The following TMCO4 variants were observed in gnomAD, a reference collection of about 807,000 sequenced individuals.
TMCO4 encodes transmembrane and coiled-coil domains 4, also known as transmembrane and coiled-coil domain-containing protein 4.
In TMCO4, 58 loss-of-function variants were observed where a neutral mutation model predicts 64.7. That is an observed-to-expected ratio of 0.90 (90% CI 0.73 to 1.12). The LOEUF (loss-of-function observed/expected upper bound fraction) is 1.12. Among genes scored for constraint, TMCO4 ranks in the 50% most tolerant of loss-of-function variants. The probability of loss-of-function intolerance (pLI) is 0.00; values close to 1 mark genes in which losing one functional copy is unlikely to be tolerated. For missense variants in TMCO4, 780 were observed against 825.9 expected, an observed-to-expected ratio of 0.94 and a Z score of 0.68; for synonymous variants, 325 against 346.1, an observed-to-expected ratio of 0.94 and a Z score of 0.68.
At chr1:19,700,612 T>C (rs995879746) in intron 14 of TMCO4, among the ~76,000 whole-genome samples, 156 bp downstream of exon 14, 1 of 152,240 alleles carries the variant, frequency 6.6e-6, no homozygotes, top group Non-Finnish European at 1.5e-5. Context: ...TCACCAGGCC[T>C]GGGCCTGCTC....
In TMCO4 at chr1:19,766,136, G is replaced by A. The variant is rs182682423; in HGVS notation, c.382+4406C>T. On this transcript the variant is annotated intron_variant, in intron 6 of 15. Transcript: ENST00000294543. ...TAAGCTCATTCTCCAAAGAAGTGTC[G>A]CCCACCCATCTTTCTATTGCACCCT... 7.0e-4 allele frequency among the ~76,000 whole-genome samples: 107 copies of A among 152,222 alleles called. 3 individuals carry two copies. The East Asian group carries it at 0.016, about 22-fold the overall frequency.
At chr1:19,738,493 T>C (rs1367458328) in intron 12 of TMCO4, 1 of 152,266 alleles carries the variant, frequency 6.6e-6, no homozygotes, top group East Asian at 1.9e-4. Context: ...AAATAGTACA[T>C]TTGTTTTCAG....
chr1:19,781,256 T>G (rs1571017085), intron 3 of TMCO4, among the ~76,000 whole-genome samples: 2 of 147,932 alleles, frequency 1.4e-5, no homozygotes, highest in East Asian at 2.0e-4. Context: ...AGCCCAGGAG[T>G]TCAAGACCAG....
chr1:19,723,401 G>T (rs1317681045), intron 13 of TMCO4, among the ~76,000 whole-genome samples: 1 of 152,142 alleles, frequency 6.6e-6, no homozygotes, highest in Non-Finnish European at 1.5e-5. Context: ...TAGGCCCCCA[G>T]ATCCAGGGCT....
chr1:19,716,481 C>G lies in TMCO4; in HGVS notation c.1265-15596G>C, dbSNP rs537032155. On this transcript the variant is annotated intron_variant, in intron 13 of 15. Transcript: ENST00000294543. The stretch of plus-strand genomic sequence containing the variant: ...TCCCGACCTCGTGATTTGCCTTCCT[C>G]GGCCTCCCAAAGTGCTGGGATTACA... Among the ~76,000 whole-genome samples the G allele has an allele frequency of 2.0e-5, 3 of 150,264 alleles. No individual in the cohort carries two copies. The South Asian group carries it at 6.3e-4, about 31-fold the overall frequency.
chr1:19,740,814 C>A lies in TMCO4; in HGVS notation c.1005G>T (p.Met335Ile). 1 of 1,613,716 alleles carries A rather than the reference C, an allele frequency of 6.2e-7. No individual in the cohort carries two copies. The highest frequency in any genetic ancestry group is 8.5e-7 in the Non-Finnish European group (1 of 1,179,832). The change falls in exon 11 of 16, where the codon ATG becomes ATT. Residue 335 changes from methionine (M) to isoleucine (I), a missense_variant. By Grantham distance (10) the Met-to-Ile change is conservative. Transcript: ENST00000294543. ...LETILSGLANMVAQEALKYTV... is the reference protein window; with the variant it reads ...LETILSGLANIVAQEALKYTV... ...TGTACTTTAGGGCCTCCTGGGCCACCATGTTGGCGAGACCACTGAGGATGG... is the reference window on the plus strand; with the variant it reads ...TGTACTTTAGGGCCTCCTGGGCCACAATGTTGGCGAGACCACTGAGGATGG...
At position 19,721,310 on chromosome 1, in the gene TMCO4, A is replaced by C. The variant is rs570219785; in HGVS notation, c.1264+16062T>G. ...ATTCTCTCCATATACACCTGTGCTCACCACAGAAACTTCAGCAGAGAATTT... is the reference window on the plus strand; with the variant it reads ...ATTCTCTCCATATACACCTGTGCTCCCCACAGAAACTTCAGCAGAGAATTT... On this transcript the variant is annotated intron_variant, in intron 13 of 15. Transcript: ENST00000294543. Among the ~76,000 whole-genome samples, 83 of 152,278 alleles carry C rather than the reference A, an allele frequency of 5.5e-4. 1 individual carries two copies. In the South Asian group the frequency reaches 0.017, roughly 31 times the overall value.
rs1016991452 is a variant in TMCO4 at position 19,799,898 on chromosome 1, C to G, written c.-223G>C. The G allele has an allele frequency of 6.6e-6, 1 of 151,956 alleles. No homozygotes were observed. Among genetic ancestry groups the G allele is most frequent in the Non-Finnish European group, 1.5e-5 (1 of 67,818 alleles). 9.4% of individuals were successfully genotyped at this position (151,956 alleles called of 1,614,324 possible). A position where few individuals can be genotyped will look rare whatever the true frequency, so the allele number is the denominator to read the frequency against. On this transcript the variant is annotated 5_prime_UTR_variant, in exon 1 of 16. Coordinates refer to ENST00000294543, the MANE Select transcript of TMCO4 (RefSeq NM_181719.7). ...GCAAAGGCGGAGGCGGCAAAACCGGCGAGCGGCTCCTCCCGCCCGGCCCGG... is the reference window on the plus strand; with the variant it reads ...GCAAAGGCGGAGGCGGCAAAACCGGGGAGCGGCTCCTCCCGCCCGGCCCGG...
Position 19,780,572 on chromosome 1 carries a change from G to A in TMCO4, c.179+8C>T. 1 of 1,586,586 alleles carries A rather than the reference G, an allele frequency of 6.3e-7. No homozygotes were observed. The highest frequency in any genetic ancestry group is 8.6e-7 in the Non-Finnish European group (1 of 1,167,016). ...ATGACCTTCCCACTGCAAGACAGAA[G>A]AACTCACCTGTGTTCGGGTTCAGGA... On this transcript the variant is annotated splice_region_variant and intron_variant, in intron 4 of 15. Coordinates refer to ENST00000294543, the MANE Select transcript of TMCO4 (RefSeq NM_181719.7).
chr1:19,682,901 C>T lies in TMCO4; in HGVS notation c.*139G>A, dbSNP rs1274744083. 4 of 1,215,632 alleles carry T rather than the reference C, an allele frequency of 3.3e-6. No individual in the cohort carries two copies. The highest frequency in any genetic ancestry group is 4.7e-6 in the Non-Finnish European group (4 of 859,408). The allele number at this position is 1,215,632 out of a possible 1,614,324, so 75.3% of individuals were successfully genotyped here. On this transcript the variant is annotated 3_prime_UTR_variant, in exon 16 of 16. Transcript: ENST00000294543. ...TTCCCCTTCCTTCCATTTCCTTTCC[C>T]TTTCAGTTCCAATTCCTTCCATTTA...
At chr1:19,796,627 T>G (rs1276239974) in intron 2 of TMCO4, among the ~76,000 whole-genome samples, 1 of 152,122 alleles carries the variant, frequency 6.6e-6, no homozygotes, top group Non-Finnish European at 1.5e-5. Context: ...CAGGCTGGAG[T>G]GCAGTAGCTC....
rs374658138 is a variant in TMCO4, at chr1:19,739,878, A to T, written c.1125T>A (p.His375Gln). The T allele has an allele frequency of 5.6e-6, 9 of 1,613,860 alleles. No individual in the cohort carries two copies. The highest frequency in any genetic ancestry group is 1.3e-5 in the African/African-American group (1 of 74,886). The change falls in exon 12 of 16, where the codon CAT becomes CAA. Residue 375 changes from histidine (H) to glutamine (Q), a missense_variant. Coordinates refer to ENST00000294543, the MANE Select transcript of TMCO4 (RefSeq NM_181719.7). Reference sequence around the variant, plus strand: ...GGTGCTTGCCAACCTCTGCTGATCGATGGAGACACACCCCCCAGGGGTTGT... The same window carrying T: ...GGTGCTTGCCAACCTCTGCTGATCGTTGGAGACACACCCCCCAGGGGTTGT... ...VIDNPWGVCL[H>Q]RSAEVGKHLA...
chr1:19,745,345 T>C lies in TMCO4; in HGVS notation c.877+187A>G, dbSNP rs111683372. The C allele has an allele frequency of 3.7e-5, 32 of 875,648 alleles. No homozygotes were observed. In the African/African-American group the frequency reaches 4.6e-4, roughly 13 times the overall value. The allele number at this position is 875,648 out of a possible 1,614,324, so 54.2% of individuals were successfully genotyped here. A position where few individuals can be genotyped will look rare whatever the true frequency, so the allele number is the denominator to read the frequency against. Reference sequence around the variant, plus strand: ...ACAGGTGGGTAGGTGGATAGATGGATGGCGAGATGATGGGCAGGTGGACAG... The same window carrying C: ...ACAGGTGGGTAGGTGGATAGATGGACGGCGAGATGATGGGCAGGTGGACAG... On this transcript the variant is annotated intron_variant, in intron 10 of 15. Coordinates refer to ENST00000294543, the MANE Select transcript of TMCO4 (RefSeq NM_181719.7).
At chr1:19,774,825 A>G (rs2043140597) in intron 4 of TMCO4, among the ~76,000 whole-genome samples, 2 of 152,280 alleles carry the variant, frequency 1.3e-5, no homozygotes, top group South Asian at 4.2e-4. Context: ...ACTAGTTTAC[A>G]CTACTCTAGA....
At chr1:19,746,084 G>A (rs2041767203) in intron 9 of TMCO4, among the ~76,000 whole-genome samples, 1 of 152,206 alleles carries the variant, frequency 6.6e-6, no homozygotes, top group African/African-American at 2.4e-5. Context: ...AGGAGTGGGA[G>A]GGGGGCTGCT....
At chr1:19,754,971 A>ATACCT (rs2042178865) in intron 7 of TMCO4, among the ~76,000 whole-genome samples, 2 of 152,120 alleles carry the variant, frequency 1.3e-5, no homozygotes, top group African/African-American at 4.8e-5. Flanking sequence ...CCCAATGTCA[A>ATACCT]GCAGTGGACA....
intron 6 of TMCO4, 34 bp downstream of exon 6, chr1:19,770,508 C>G (rs370828803): frequency 6.2e-7 from 1 of 1,613,300 alleles, no homozygotes; most frequent in Admixed American, 1.7e-5. Flanking sequence ...CAGATGGGTA[C>G]CCACCATTTA....
intron 2 of TMCO4, among the ~76,000 whole-genome samples, chr1:19,788,830 T>C (rs913232214): frequency 2.0e-5 from 3 of 152,048 alleles, no homozygotes; most frequent in Non-Finnish European, 4.4e-5. Flanking sequence ...AATTCCAGCA[T>C]TTTGGGAGGC....
intron 13 of TMCO4, among the ~76,000 whole-genome samples, chr1:19,725,287 C>T (rs555142514): frequency 2.6e-5 from 4 of 152,270 alleles, no homozygotes; most frequent in African/African-American, 7.2e-5. Context: ...GACAGGCCCA[C>T]AGGTCACAGG....
Sources: gnomAD v4.1 joint callset for allele counts (sites outside exome capture counted in the v4.1 genomes callset) on GRCh38, gnomAD v4.1.1 for gene constraint, MANE v1.5 for transcripts, NCBI Gene and HGNC (gene_info 2026-07-23, HGNC 2026-07-21) for gene names.